Variants in CIZ1 observed in about 807,000 individuals in gnomAD.
CIZ1 encodes the protein cip1-interacting zinc finger protein.
A neutral mutation model predicts 118.6 loss-of-function variants in CIZ1; 58 were observed. That is an observed-to-expected ratio of 0.49 (90% CI 0.40 to 0.61). The LOEUF (loss-of-function observed/expected upper bound fraction) is 0.61, where lower values mean the gene tolerates loss of function less well. CIZ1 is among the 20% of genes least tolerant of loss of function. The pLI is 0.00. For synonymous variants in CIZ1, 448 were observed against 443.4 expected (o/e 1.01, Z -0.13); for missense variants, 921 against 1,115.9 (o/e 0.83, Z 2.49).
chr9:128,203,535 C>T lies in CIZ1; in HGVS notation c.-6+651G>A, dbSNP rs1245923175. The T allele has an allele frequency of 3.9e-6, 6 of 1,545,770 alleles. No homozygotes were observed. The South Asian group carries it at 4.7e-5, about 12-fold the overall frequency. ...AACCGGCTGCAAGACGCCTTCTCTG[C>T]CATCGGCCAGAACGCGGACCTCGAC... On this transcript the variant is annotated intron_variant, in intron 1 of 17. Transcript: ENST00000372948. The surrounding 1 kb of genome is among the most constrained non-coding windows in gnomAD (Gnocchi z 5.3).
At chr9:128,180,361 A>G in intron 7 of CIZ1, 54 bp downstream of exon 7, 1 of 1,348,412 alleles carries the variant, frequency 7.4e-7, no homozygotes, top group Non-Finnish European at 1.1e-6. Context: ...CTGCCTTTGC[A>G]GGAATGAGAG....
In CIZ1 at chr9:128,178,889, G is replaced by A. The variant is rs1196312425; in HGVS notation, c.1318C>T (p.Gln440Ter). Residue 440 changes from glutamine to a stop codon, truncating the protein, a stop_gained, in exon 8 of 17, where the codon CAG becomes TAG. Coordinates refer to ENST00000372938, the MANE Select transcript of CIZ1 (RefSeq NM_001131016.2). LOFTEE classifies it high-confidence loss of function. ...QTYPQVHTQA[Q>*]PSVQPQEHPP... Reference sequence around the variant, plus strand: ...TGCTCCTGTGGCTGGACGCTTGGCTGTGCCTGTGTGTGGACCTGTGGATAT... The same window carrying A: ...TGCTCCTGTGGCTGGACGCTTGGCTATGCCTGTGTGTGGACCTGTGGATAT... The A allele has an allele frequency of 1.2e-6, 2 of 1,614,272 alleles. No individual in the cohort carries two copies. The highest frequency in any genetic ancestry group is 1.3e-5 in the African/African-American group (1 of 75,076).
chr9:128,203,337 C>A lies in CIZ1; in HGVS notation c.-6+849G>T. 2 of 851,446 alleles carry A rather than the reference C, an allele frequency of 2.3e-6. No individual in the cohort carries two copies. Among genetic ancestry groups the A allele is most frequent in the Non-Finnish European group, 3.1e-6 (2 of 653,546 alleles). 52.7% of individuals were successfully genotyped at this position (851,446 alleles called of 1,614,324 possible). On this transcript the variant is annotated intron_variant, in intron 1 of 17. Transcript: ENST00000372948. This position sits in a 1 kb window ranked among gnomAD's most constrained non-coding sequence, Gnocchi z 5.3. ...CCCCTAGCGGCGTCCGGGAGCGGTG[C>A]TCGCTCCGATCCCCGAGGGGCGGGG... is the stretch of plus-strand genomic sequence containing the variant.
intron 5 of CIZ1, among the ~76,000 whole-genome samples, chr9:128,182,856 T>C (rs540759649): frequency 1.1e-4 from 16 of 151,922 alleles, no homozygotes; most frequent in Non-Finnish European, 2.4e-4. Context: ...ACTCCTGGGC[T>C]CAACTGATCC....
At chr9:128,184,933 G>C (rs1832159954) in intron 5 of CIZ1, among the ~76,000 whole-genome samples, 1 of 152,036 alleles carries the variant, frequency 6.6e-6, no homozygotes, top group Non-Finnish European at 1.5e-5. Context: ...GCCTCCTAAA[G>C]TACTGGGATT....
chr9:128,179,500 T>C, intron 7 of CIZ1, 85 bp from the exon 8 acceptor site: 1 of 1,273,642 alleles, frequency 7.9e-7, no homozygotes, highest in Non-Finnish European at 1.1e-6. Context: ...AGGCCGAGCG[T>C]GGTGGCTCGC....
At chr9:128,169,224 G>A (rs1829817465) in intron 13 of CIZ1, 23 bp from the exon 14 acceptor site, 1 of 1,612,568 alleles carries the variant, frequency 6.2e-7, no homozygotes. Context: ...TAGGCAAGGA[G>A]CTCAGGTCAG....
chr9:128,176,501 G>A lies in CIZ1; in HGVS notation c.1819-26C>T, dbSNP rs201353020. 2.4e-5 allele frequency: 38 copies of A among 1,608,176 alleles called. No individual in the cohort carries two copies. The East Asian group carries it at 8.0e-4, about 34-fold the overall frequency. On this transcript the variant is annotated intron_variant, in intron 10 of 16. Transcript: ENST00000372938. The stretch of plus-strand genomic sequence containing the variant: ...CTGCAGCAGGAGGGAAAGAGGGATG[G>A]GCCTGGGGCGTGAGCCCAGAACAGT...
intron 11 of CIZ1, among the ~76,000 whole-genome samples, chr9:128,170,867 G>A (rs965537975): frequency 6.6e-6 from 1 of 152,124 alleles, no homozygotes; most frequent in Non-Finnish European, 1.5e-5. Flanking sequence ...GGGCATAGTG[G>A]CTCACACCTG....
chr9:128,189,947 C>A (rs1588258230), intron 3 of CIZ1, among the ~76,000 whole-genome samples: 1 of 148,790 alleles, frequency 6.7e-6, no homozygotes, highest in African/African-American at 2.5e-5. Context: ...GGGCTAGAGA[C>A]AACCACTCAG....
At chr9:128,173,283 T>C (rs1217981906) in intron 11 of CIZ1, among the ~76,000 whole-genome samples, 1 of 151,918 alleles carries the variant, frequency 6.6e-6, no homozygotes, top group African/African-American at 2.4e-5. Flanking sequence ...TAGCTGGGAC[T>C]ACAGGCGCCT....
chr9:128,203,360 G>T lies in CIZ1; in HGVS notation c.-6+826C>A. The T allele has an allele frequency of 9.3e-7, 1 of 1,080,750 alleles. No homozygotes were observed. Among genetic ancestry groups the T allele is most frequent in the Non-Finnish European group, 1.2e-6 (1 of 848,914 alleles). 66.9% of individuals were successfully genotyped at this position (1,080,750 alleles called of 1,614,324 possible). The stretch of plus-strand genomic sequence containing the variant: ...TGCTCGCTCCGATCCCCGAGGGGCG[G>T]GGGCCCCGCGGCGCAGGCAGTCTGG... On this transcript the variant is annotated intron_variant, in intron 1 of 17. Coordinates refer to the CIZ1 transcript ENST00000372948. The surrounding 1 kb of genome is among the most constrained non-coding windows in gnomAD (Gnocchi z 5.3).
intron 5 of CIZ1, among the ~76,000 whole-genome samples, chr9:128,183,819 G>A (rs894017859): frequency 6.6e-6 from 1 of 152,294 alleles, no homozygotes; most frequent in Admixed American, 6.5e-5. Flanking sequence ...AGGCTGGAGT[G>A]CAATGGCACG....
intron 5 of CIZ1, among the ~76,000 whole-genome samples, chr9:128,183,463 C>T (rs553063227): frequency 1.4e-4 from 21 of 152,248 alleles, no homozygotes; most frequent in Non-Finnish European, 2.6e-4. Context: ...AATGCCTTAC[C>T]TCCAGAAGTG....
rs61740197 is a variant in CIZ1 at position 128,179,037 on chromosome 9, C to A, written c.1170G>T (p.Gln390His). ...QPQAHSQGPR[Q>H]VQLQQEAEPL... is the part of the protein sequence containing the mutation. Reference sequence around the variant, plus strand: ...GCTCTGCCTCCTGCTGCAGCTGCACCTGCCTTGGGCCCTGTGAATGTGCCT... The same window carrying A: ...GCTCTGCCTCCTGCTGCAGCTGCACATGCCTTGGGCCCTGTGAATGTGCCT... Residue 390 changes from glutamine to histidine, a missense_variant, in exon 8 of 17, where the codon CAG (glutamine) becomes CAT (histidine). Transcript: ENST00000372938. 6.9e-3 allele frequency: 11,187 copies of A among 1,613,994 alleles called. 36 individuals carry two copies. The highest frequency in any genetic ancestry group is 8.7e-3 in the Non-Finnish European group (10,308 of 1,179,932).
chr9:128,182,629 C>A (rs1007225014), intron 5 of CIZ1, among the ~76,000 whole-genome samples: 1 of 152,204 alleles, frequency 6.6e-6, no homozygotes, highest in Admixed American at 6.5e-5. Flanking sequence ...GCAACCAGCC[C>A]TCTCTGCTTA....
intron 12 of CIZ1, chr9:128,169,756 AC>A: frequency 1.3e-6 from 2 of 1,508,734 alleles, no homozygotes; most frequent in Non-Finnish European, 1.8e-6. Context: ...CAGAGAGAAG[AC>A]GAGAGAGAGG....
intron 11 of CIZ1, among the ~76,000 whole-genome samples, chr9:128,174,061 G>A (rs1401636941): frequency 1.3e-5 from 2 of 152,030 alleles, no homozygotes; most frequent in South Asian, 4.1e-4. Context: ...AGGTAGGCAA[G>A]GGCTTAGTTC....
Position 128,185,528 on chromosome 9 carries a change from AT to A in CIZ1, c.588+18del. 4 of 1,219,548 alleles carry A rather than the reference AT, an allele frequency of 3.3e-6. No individual in the cohort carries two copies. Among genetic ancestry groups the A allele is most frequent in the Non-Finnish European group, 4.5e-6 (4 of 884,520 alleles). The allele number at this position is 1,219,548 out of a possible 1,614,324, so 75.5% of individuals were successfully genotyped here. On this transcript the variant is annotated intron_variant, in intron 5 of 16. Coordinates refer to ENST00000372938, the MANE Select transcript of CIZ1 (RefSeq NM_001131016.2). ...CCAGGGTCCCCTCCCGCCCACTCCC[AT>A]CCCCACCTACCACTCACCTTTCGAT...
Sources: gnomAD v4.1 joint callset for allele counts (sites outside exome capture counted in the v4.1 genomes callset) on GRCh38, gnomAD v4.1.1 for gene constraint, Gnocchi (gnomAD v3.1) non-coding constraint, MANE v1.5 for transcripts, NCBI Gene and HGNC (gene_info 2026-07-23, HGNC 2026-07-21) for gene names.